The following COG2 variants were observed in gnomAD, a reference collection of about 807,000 sequenced individuals.
COG2 encodes component of oligomeric golgi complex 2, also known as conserved oligomeric Golgi complex subunit 2.
A neutral mutation model predicts 90.6 loss-of-function variants in COG2; 52 were observed. The ratio of observed to expected loss-of-function variants is 0.57; its 90% CI spans 0.46 to 0.72. The LOEUF (loss-of-function observed/expected upper bound fraction) is 0.72, where lower values mean the gene tolerates loss of function less well. Ranked by LOEUF, COG2 falls within the 30% of genes least tolerant of loss-of-function variation. The pLI, the probability that COG2 is intolerant of heterozygous loss-of-function variation, is 0.00. For missense variants in COG2, 829 were observed against 891.2 expected, an observed-to-expected ratio of 0.93 and a Z score of 0.89; for synonymous variants, 337 against 320.4, an observed-to-expected ratio of 1.05 and a Z score of -0.55.
At chr1:230,657,686 G>A (rs12406051) in intron 1 of COG2, among the ~76,000 whole-genome samples, 8,156 of 152,124 alleles carry the variant, frequency 0.054, 247 homozygotes, top group Middle Eastern at 0.088. Flanking sequence ...CATTTTCCCC[G>A]TCACTTTCGG....
At chr1:230,683,874 C>T (rs754685689) in intron 11 of COG2, among the ~76,000 whole-genome samples, 2 of 151,822 alleles carry the variant, frequency 1.3e-5, no homozygotes, top group South Asian at 4.2e-4. Context: ...TCACTGCAGC[C>T]CCCGCCTCCC....
intron 9 of COG2, chr1:230,678,674 C>G (rs1303001487): frequency 7.0e-7 from 1 of 1,427,502 alleles, no homozygotes; most frequent in Non-Finnish European, 9.3e-7. Context: ...CTTAGAGTGC[C>G]TGGGTCTCAG....
intron 8 of COG2, among the ~76,000 whole-genome samples, chr1:230,674,541 C>G (rs913826615): frequency 2.6e-5 from 4 of 152,206 alleles, no homozygotes; most frequent in Admixed American, 6.5e-5. Flanking sequence ...TGAAAGTAAT[C>G]TTAGAGATAG....
chr1:230,684,570 T>C (rs1662840483), intron 11 of COG2: 1 of 153,430 alleles, frequency 6.5e-6, no homozygotes, highest in Admixed American at 6.5e-5. Flanking sequence ...AAATTTCCAC[T>C]CTCTTTTATA....
intron 8 of COG2, among the ~76,000 whole-genome samples, chr1:230,672,453 C>T (rs1662472864): frequency 1.3e-5 from 2 of 152,172 alleles, no homozygotes; most frequent in African/African-American, 4.8e-5. Flanking sequence ...TTTCCTCTGC[C>T]TGCCCTCCCC....
intron 2 of COG2, among the ~76,000 whole-genome samples, chr1:230,659,993 C>T (rs1662147081): frequency 6.6e-6 from 1 of 152,204 alleles, no homozygotes; most frequent in East Asian, 1.9e-4. Flanking sequence ...CTTTCAGATA[C>T]ATACGCTAGC....
chr1:230,665,071 T>C (rs1378593176), intron 5 of COG2, among the ~76,000 whole-genome samples: 6 of 152,230 alleles, frequency 3.9e-5, no homozygotes. Context: ...GACTGTTTCC[T>C]TTGTTATACT....
chr1:230,686,319 C>G (rs1446021333), intron 12 of COG2, among the ~76,000 whole-genome samples: 1 of 152,148 alleles, frequency 6.6e-6, no homozygotes, highest in African/African-American at 2.4e-5. Context: ...TATGATTCCC[C>G]TGACAGAGTG....
chr1:230,660,279 T>C (rs1466964504), intron 2 of COG2, among the ~76,000 whole-genome samples: 3 of 152,234 alleles, frequency 2.0e-5, no homozygotes, highest in Non-Finnish European at 4.4e-5. Flanking sequence ...TTGGGAAATG[T>C]ACATCTAAGA....
intron 1 of COG2, among the ~76,000 whole-genome samples, chr1:230,652,479 C>G (rs1252908326): frequency 6.6e-6 from 1 of 152,150 alleles, no homozygotes; most frequent in Non-Finnish European, 1.5e-5. Context: ...TATTTGCTTC[C>G]AAGTTTTGGC....
chr1:230,674,478 G>A (rs1662537380), intron 8 of COG2, among the ~76,000 whole-genome samples: 1 of 152,248 alleles, frequency 6.6e-6, no homozygotes, highest in African/African-American at 2.4e-5. Flanking sequence ...ACAGGTTTTT[G>A]TGTCAAGATT....
At chr1:230,642,868 C>A (rs912962668) in intron 1 of COG2, 190 bp downstream of exon 1, 12 of 575,074 alleles carry the variant, frequency 2.1e-5, no homozygotes, top group Admixed American at 1.1e-4. Flanking sequence ...GGAGAAAGCA[C>A]TTCTGTAAAA....
In COG2 at chr1:230,669,442, A is replaced by G. The variant is rs1195523143; in HGVS notation, c.681A>G (p.Ile227Met). Residue 227 changes from isoleucine (I) to methionine (M), a missense_variant, in exon 7 of 18, where the codon ATA becomes ATG. Ile to Met is a conservative substitution (Grantham distance 10). Coordinates refer to ENST00000366669, the MANE Select transcript of COG2 (RefSeq NM_007357.3). ...EGLQTSDVDI[I>M]RHCLRTYATI... The stretch of plus-strand genomic sequence containing the variant: ...TTCAGACGTCTGACGTCGATATAAT[A>G]CGGCACTGCTTGCGGACTTACGCCA... 1 of 1,614,080 alleles carries G rather than the reference A, an allele frequency of 6.2e-7. No homozygotes were observed. Among genetic ancestry groups the G allele is most frequent in the East Asian group, 2.2e-5 (1 of 44,864 alleles).
chr1:230,689,266 A>G (rs12026880), intron 15 of COG2, among the ~76,000 whole-genome samples: 38,980 of 152,120 alleles, frequency 0.26, 5,623 homozygotes, highest in East Asian at 0.59. Flanking sequence ...TGCAAATATT[A>G]TGCCATTTTA....
At chr1:230,686,859 G>A (rs1198812464) in intron 12 of COG2, 76 bp from the exon 13 acceptor site, 17 of 859,600 alleles carry the variant, frequency 2.0e-5, no homozygotes, top group Middle Eastern at 2.3e-4. Flanking sequence ...AGTTATTGAC[G>A]CGCACATATG....
rs1571964706 is a variant in COG2, at chr1:230,688,055, T to C, written c.1579-16T>C. On this transcript the variant is annotated splice_polypyrimidine_tract_variant and intron_variant, in intron 13 of 17. Transcript: ENST00000366669. ...ATAAAAAGTAACTGAATATATAAAG[T>C]GCATATTTATTTCAGCTTCCAGAAC... The C allele has an allele frequency of 6.5e-7, 1 of 1,545,674 alleles. No individual in the cohort carries two copies. The highest frequency in any genetic ancestry group is 1.2e-5 in the South Asian group (1 of 82,504).
intron 5 of COG2, among the ~76,000 whole-genome samples, chr1:230,668,177 A>C (rs919019018): frequency 6.6e-6 from 1 of 152,072 alleles, no homozygotes; most frequent in African/African-American, 2.4e-5. Context: ...TTTAGCAAGG[A>C]GAGTGAGGCA....
At position 230,674,574 on chromosome 1, in the gene COG2, G is replaced by T. The variant is rs1662539360; in HGVS notation, c.900-424G>T. Among the ~76,000 whole-genome samples, 4 of 152,340 alleles carry T rather than the reference G, an allele frequency of 2.6e-5. No homozygotes were observed. The South Asian group carries it at 8.3e-4, about 32-fold the overall frequency. Reference sequence around the variant, plus strand: ...TAGCTTAGTAAATACAAAGCTGTTAGTAATTTATAAATTAGCATAACTTAC... The same window carrying T: ...TAGCTTAGTAAATACAAAGCTGTTATTAATTTATAAATTAGCATAACTTAC... On this transcript the variant is annotated intron_variant, in intron 8 of 17. Transcript: ENST00000366669.
chr1:230,676,648 G>C (rs1047838059), intron 9 of COG2, among the ~76,000 whole-genome samples: 1 of 152,074 alleles, frequency 6.6e-6, no homozygotes, highest in African/African-American at 2.4e-5. Context: ...TTGAATGTCA[G>C]CTCATCCTTC....
Sources: allele counts gnomAD v4.1 joint callset (sites outside exome capture counted in the v4.1 genomes callset), GRCh38; gene constraint gnomAD v4.1.1; transcripts MANE v1.5; gene names NCBI Gene and HGNC (gene_info 2026-07-23, HGNC 2026-07-21).